The following ROR1 variants were observed in gnomAD, a reference collection of about 807,000 sequenced individuals.
The protein encoded by ROR1 is ROR family WNT receptor 1.
A neutral mutation model predicts 78.8 loss-of-function variants in ROR1; 19 were observed. That is an observed-to-expected ratio of 0.24 (90% CI 0.17 to 0.35). The LOEUF (loss-of-function observed/expected upper bound fraction) is 0.35, where lower values mean the gene tolerates loss of function less well. ROR1 is among the 10% of genes least tolerant of loss of function. The probability of loss-of-function intolerance (pLI) is 1.00; values close to 1 mark genes in which losing one functional copy is unlikely to be tolerated. For synonymous variants in ROR1, 386 were observed against 433.6 expected, an observed-to-expected ratio of 0.89 and a Z score of 1.36; for missense variants, 917 against 1,177.8, an observed-to-expected ratio of 0.78 and a Z score of 3.24.
chr1:63,936,418 G>T (rs543141845), intron 1 of ROR1, among the ~76,000 whole-genome samples: 2 of 152,174 alleles, frequency 1.3e-5, no homozygotes, highest in African/African-American at 4.8e-5. Flanking sequence ...TGCATGCTTT[G>T]GGGGGAATAA....
chr1:63,922,517 G>A (rs1489762815), intron 1 of ROR1, among the ~76,000 whole-genome samples: 1 of 151,992 alleles, frequency 6.6e-6, no homozygotes, highest in Non-Finnish European at 1.5e-5. Flanking sequence ...AGGATTTTGT[G>A]CCAAACATCC....
chr1:63,868,991 T>C (rs1229875565), intron 1 of ROR1, among the ~76,000 whole-genome samples: 5 of 152,254 alleles, frequency 3.3e-5, no homozygotes, highest in Admixed American at 3.3e-4. Flanking sequence ...TATTTCTTTC[T>C]TCTGCTTTCT....
At chr1:64,148,638 G>A (rs779986276) in intron 7 of ROR1, among the ~76,000 whole-genome samples, 2 of 152,170 alleles carry the variant, frequency 1.3e-5, no homozygotes, top group Non-Finnish European at 2.9e-5. Context: ...TAATAAAGGC[G>A]CTTGAGAACA....
At chr1:64,014,668 A>T (rs1646502563) in intron 2 of ROR1, among the ~76,000 whole-genome samples, 1 of 135,958 alleles carries the variant, frequency 7.4e-6, no homozygotes, top group Admixed American at 7.6e-5. Flanking sequence ...AAAAAAAAAT[A>T]CTGAGGCCTG....
chr1:63,829,444 CCTAAT>C (rs1644973339), intron 1 of ROR1, among the ~76,000 whole-genome samples: 1 of 152,000 alleles, frequency 6.6e-6, no homozygotes, highest in South Asian at 2.1e-4. Flanking sequence ...ACGAGGGATT[CCTAAT>C]TCAGATGTGG....
chr1:63,921,536 C>G (rs1270675013), intron 1 of ROR1, among the ~76,000 whole-genome samples: 1 of 152,128 alleles, frequency 6.6e-6, no homozygotes, highest in Non-Finnish European at 1.5e-5. Context: ...TTGTCGCTAC[C>G]ATGTGCACCA....
At chr1:64,026,903 C>T (rs1057154191) in intron 2 of ROR1, among the ~76,000 whole-genome samples, 3 of 152,112 alleles carry the variant, frequency 2.0e-5, no homozygotes, top group African/African-American at 4.8e-5. Context: ...GTGGGGACCC[C>T]AACCATATCA....
chr1:64,059,348 CGTTT>C (rs1646898899), intron 4 of ROR1, among the ~76,000 whole-genome samples: 2 of 151,930 alleles, frequency 1.3e-5, no homozygotes, highest in Non-Finnish European at 2.9e-5. Flanking sequence ...TTGTTTTTGC[CGTTT>C]GTTTGGTGAA....
chr1:63,995,014 A>C (rs1646326133), intron 1 of ROR1, among the ~76,000 whole-genome samples: 1 of 152,160 alleles, frequency 6.6e-6, no homozygotes, highest in Non-Finnish European at 1.5e-5. Flanking sequence ...GTGGTCTTGC[A>C]TTTTTGTGAA....
intron 4 of ROR1, among the ~76,000 whole-genome samples, chr1:64,076,796 T>C (rs1032594011): frequency 6.6e-6 from 1 of 152,246 alleles, no homozygotes; most frequent in African/African-American, 2.4e-5. Context: ...GGCAATTATA[T>C]TTTGATATAT....
intron 4 of ROR1, among the ~76,000 whole-genome samples, chr1:64,080,569 TAAG>T (rs994327289): frequency 5.3e-5 from 8 of 152,226 alleles, no homozygotes; most frequent in African/African-American, 1.9e-4. Flanking sequence ...GCTGTAGCAA[TAAG>T]AAGGACATTT....
rs369896730 is a variant in ROR1, at chr1:64,163,187, C to T, written c.1386+3995C>T. Among the ~76,000 whole-genome samples the T allele has an allele frequency of 3.4e-4, 51 of 150,766 alleles. 3 individuals carry two copies. The South Asian group carries it at 4.6e-3, about 14-fold the overall frequency. On this transcript the variant is annotated intron_variant, in intron 8 of 8. Coordinates refer to ENST00000371079, the MANE Select transcript of ROR1 (RefSeq NM_005012.4). Reference sequence around the variant, plus strand: ...TCGCTTGAGCCCAGGAGTTCAAGACCAGCCTGGGCAACATGGGGAAACCCC... The same window carrying T: ...TCGCTTGAGCCCAGGAGTTCAAGACTAGCCTGGGCAACATGGGGAAACCCC...
chr1:63,823,445 CTTTTTT>C (rs11374055), intron 1 of ROR1, among the ~76,000 whole-genome samples: 6 of 106,172 alleles, frequency 5.7e-5, no homozygotes, highest in East Asian at 2.8e-4. Flanking sequence ...ACAGACATTA[CTTTTTT>C]TTTTTTTTTT....
At chr1:63,924,932 C>CTTTTT (rs751680204) in intron 1 of ROR1, among the ~76,000 whole-genome samples, 3 of 85,040 alleles carry the variant, frequency 3.5e-5, no homozygotes, top group African/African-American at 1.2e-4. Flanking sequence ...AAAGGGGATG[C>CTTTTT]TTTTTTTTTT....
intron 1 of ROR1, among the ~76,000 whole-genome samples, chr1:63,866,273 G>A (rs965180445): frequency 5.9e-5 from 9 of 151,984 alleles, no homozygotes; most frequent in African/African-American, 1.9e-4. Flanking sequence ...GTGGTCTGGA[G>A]CAAATGCTGG....
intron 1 of ROR1, among the ~76,000 whole-genome samples, chr1:63,959,619 T>C (rs1646011800): frequency 6.6e-6 from 1 of 152,144 alleles, no homozygotes; most frequent in African/African-American, 2.4e-5. Context: ...ATGTTTAAAG[T>C]TTCTTTTTCT....
chr1:63,860,564 C>G (rs1175638358), intron 1 of ROR1, among the ~76,000 whole-genome samples: 2 of 83,092 alleles, frequency 2.4e-5, no homozygotes, highest in African/African-American at 4.1e-5. Flanking sequence ...ACTAAAAATA[C>G]ACACACACAC....
intron 2 of ROR1, among the ~76,000 whole-genome samples, chr1:64,023,333 G>A (rs893786315): frequency 6.6e-6 from 1 of 152,080 alleles, no homozygotes; most frequent in Non-Finnish European, 1.5e-5. Flanking sequence ...ATTTGGAGAA[G>A]ACCTGGGGAA....
intron 1 of ROR1, among the ~76,000 whole-genome samples, chr1:63,825,080 G>A (rs559266256): frequency 6.6e-6 from 1 of 152,224 alleles, no homozygotes; most frequent in Admixed American, 6.5e-5. Flanking sequence ...TCCATTTCTG[G>A]TAGGAATCTA....
Sources: gnomAD v4.1 joint callset for allele counts (sites outside exome capture counted in the v4.1 genomes callset) on GRCh38, gnomAD v4.1.1 for gene constraint, MANE v1.5 for transcripts, NCBI Gene and HGNC (gene_info 2026-07-23, HGNC 2026-07-21) for gene names.